Variants in CSMD1 observed in about 807,000 individuals in gnomAD.
CSMD1 encodes CUB and Sushi multiple domains 1.
CSMD1 carries 213 observed loss-of-function variants against 417.5 expected under a neutral mutation model. The ratio of observed to expected loss-of-function variants is 0.51; its 90% CI spans 0.46 to 0.57. The LOEUF (loss-of-function observed/expected upper bound fraction) is 0.57, where lower values mean the gene tolerates loss of function less well. Among genes scored for constraint, CSMD1 ranks in the 20% least tolerant of loss-of-function variants. CSMD1 has a pLI of 0.00. For synonymous variants in CSMD1, 2,862 were observed against 1,736.8 expected, an observed-to-expected ratio of 1.65 and a Z score of -16.11; for missense variants, 6,923 against 4,529.7, an observed-to-expected ratio of 1.53 and a Z score of -15.17.
At chr8:3,813,285 TA>T (rs1801186701) in intron 5 of CSMD1, among the ~76,000 whole-genome samples, 1 of 152,144 alleles carries the variant, frequency 6.6e-6, no homozygotes, top group African/African-American at 2.4e-5. Context: ...CAAATACATT[TA>T]ATTGTATAAC....
At chr8:3,936,864 C>G (rs1440340982) in intron 5 of CSMD1, among the ~76,000 whole-genome samples, 23 of 152,060 alleles carry the variant, frequency 1.5e-4, no homozygotes, top group Admixed American at 1.4e-3. Flanking sequence ...TCTAGCTAGA[C>G]AAGGTAAAAC....
intron 2 of CSMD1, among the ~76,000 whole-genome samples, chr8:4,574,342 G>A (rs894383851): frequency 1.3e-5 from 2 of 152,136 alleles, no homozygotes; most frequent in African/African-American, 4.8e-5. Flanking sequence ...TCCCTCAACG[G>A]CGTAGTCCTT....
intron 3 of CSMD1, among the ~76,000 whole-genome samples, chr8:4,283,617 C>T (rs1351029452): frequency 6.6e-6 from 1 of 152,162 alleles, no homozygotes; most frequent in African/African-American, 2.4e-5. Flanking sequence ...GGACACGAAA[C>T]TTTCCCAAGA....
chr8:4,283,929 C>G (rs1338968728), intron 3 of CSMD1, among the ~76,000 whole-genome samples: 2 of 152,168 alleles, frequency 1.3e-5, no homozygotes, highest in South Asian at 4.1e-4. Flanking sequence ...AATCTGGACA[C>G]ACCATTATTA....
At chr8:4,052,535 T>C (rs1368834514) in intron 3 of CSMD1, among the ~76,000 whole-genome samples, 2 of 152,076 alleles carry the variant, frequency 1.3e-5, no homozygotes, top group Non-Finnish European at 2.9e-5. Context: ...TGCTAGAACG[T>C]CAATGCACCA....
intron 29 of CSMD1, among the ~76,000 whole-genome samples, chr8:3,217,655 T>G (rs1797958144): frequency 6.6e-6 from 1 of 152,182 alleles, no homozygotes; most frequent in African/African-American, 2.4e-5. Flanking sequence ...TTTCAACTAT[T>G]CCTAAACGTG....
intron 1 of CSMD1, among the ~76,000 whole-genome samples, chr8:4,818,832 C>T (rs780397075): frequency 6.6e-6 from 1 of 152,148 alleles, no homozygotes; most frequent in Non-Finnish European, 1.5e-5. Flanking sequence ...TGGAATTATG[C>T]ATTATCATTT....
intron 1 of CSMD1, among the ~76,000 whole-genome samples, chr8:4,779,790 T>C (rs540199944): frequency 5.3e-5 from 8 of 152,200 alleles, no homozygotes; most frequent in Admixed American, 2.6e-4. Context: ...CTTTTGGCAA[T>C]GACGACCCAG....
At chr8:4,664,392 T>C (rs773848262) in intron 1 of CSMD1, among the ~76,000 whole-genome samples, 27 of 152,090 alleles carry the variant, frequency 1.8e-4, no homozygotes, top group Non-Finnish European at 3.1e-4. Flanking sequence ...AAACCCCATG[T>C]CTACAGTAGA....
intron 3 of CSMD1, among the ~76,000 whole-genome samples, chr8:4,063,307 A>G (rs1799077154): frequency 6.6e-6 from 1 of 152,142 alleles, no homozygotes; most frequent in Admixed American, 6.6e-5. Context: ...ATTAGTTACA[A>G]TGTAAAAAAT....
chr8:4,825,197 A>C lies in CSMD1; in HGVS notation c.85+169135T>G, dbSNP rs185075607. 1.8e-3 allele frequency among the ~76,000 whole-genome samples: 281 copies of C among 152,234 alleles called. 2 individuals carry two copies. Among genetic ancestry groups the C allele is most frequent in the East Asian group, 2.1e-3 (11 of 5,180 alleles). ...TTATCTGACATTTTTGAAGAGATGT[A>C]ATCAATATTCAAAATACTGCACGTT... On this transcript the variant is annotated intron_variant, in intron 1 of 69. Transcript: ENST00000635120.
chr8:4,821,487 T>A (rs910906973), intron 1 of CSMD1, among the ~76,000 whole-genome samples: 1 of 152,204 alleles, frequency 6.6e-6, no homozygotes. Flanking sequence ...ACTTTTCTCA[T>A]ATTTCATGCA....
intron 3 of CSMD1, among the ~76,000 whole-genome samples, chr8:4,052,919 G>A (rs2740888): frequency 0.86 from 131,086 of 152,100 alleles, 56,629 homozygotes; most frequent in South Asian, 0.94. Context: ...TGAACTAGGC[G>A]CAGAGAGAAG....
chr8:4,008,695 C>G (rs1159581530), intron 4 of CSMD1, among the ~76,000 whole-genome samples: 1 of 148,584 alleles, frequency 6.7e-6, no homozygotes, highest in Non-Finnish European at 1.5e-5. Context: ...ACTGCAAGCT[C>G]CCCATCCCGG....
At chr8:3,692,692 A>G (rs2449085) in intron 7 of CSMD1, among the ~76,000 whole-genome samples, 145,578 of 152,244 alleles carry the variant, frequency 0.96, 69,680 homozygotes, top group East Asian at 1. Context: ...CTCGGCCTCC[A>G]GAAGTGCTGG....
intron 3 of CSMD1, among the ~76,000 whole-genome samples, chr8:4,257,362 C>T (rs1268328616): frequency 6.6e-6 from 1 of 151,998 alleles, no homozygotes; most frequent in South Asian, 2.1e-4. Flanking sequence ...ATAATTTTCT[C>T]CTTTAGAAAA....
chr8:4,926,441 C>G (rs899259049), intron 1 of CSMD1, among the ~76,000 whole-genome samples: 2 of 152,118 alleles, frequency 1.3e-5, no homozygotes, highest in African/African-American at 4.8e-5. Flanking sequence ...TTAATACTGG[C>G]GCTTGCATCT....
chr8:4,312,501 C>T lies in CSMD1; in HGVS notation c.415+107452G>A, dbSNP rs184791088. Among the ~76,000 whole-genome samples the T allele has an allele frequency of 1.1e-3, 160 of 144,130 alleles. 3 individuals carry two copies. The highest frequency in any genetic ancestry group is 4.2e-3 in the African/African-American group (151 of 36,154). 94.6% of individuals were successfully genotyped at this position (144,130 alleles called of 152,430 possible). A position where few individuals can be genotyped will look rare whatever the true frequency, so the allele number is the denominator to read the frequency against. The stretch of plus-strand genomic sequence containing the variant: ...TATACACATATAGAACTCTATGTTT[C>T]CAGTTTTATTATCAATGTTACTTAT... On this transcript the variant is annotated intron_variant, in intron 3 of 69. Coordinates refer to ENST00000635120, the MANE Select transcript of CSMD1 (RefSeq NM_033225.6).
intron 5 of CSMD1, among the ~76,000 whole-genome samples, chr8:3,942,717 A>G (rs1329845907): frequency 6.6e-6 from 1 of 152,214 alleles, no homozygotes; most frequent in Non-Finnish European, 1.5e-5. Context: ...TGTTCTTAAT[A>G]TAACATACGC....
Sources: gnomAD v4.1 joint callset for allele counts (sites outside exome capture counted in the v4.1 genomes callset) on GRCh38, gnomAD v4.1.1 for gene constraint, MANE v1.5 for transcripts, NCBI Gene and HGNC (gene_info 2026-07-23, HGNC 2026-07-21) for gene names.